COG5: variants seen among roughly 807,000 people sequenced by gnomAD.
The protein encoded by COG5 is component of oligomeric golgi complex 5.
A neutral mutation model predicts 110.4 loss-of-function variants in COG5; 86 were observed. That is an observed-to-expected ratio of 0.78 (90% CI 0.65 to 0.93). The LOEUF is 0.93. COG5 is among the 40% of genes least tolerant of loss of function. The pLI is 0.00. For synonymous variants in COG5, 360 were observed against 334.6 expected (o/e 1.08, Z -0.83); for missense variants, 1,077 against 987.0 (o/e 1.09, Z -1.22).
intron 6 of COG5, among the ~76,000 whole-genome samples, chr7:107,500,073 C>A (rs1798542326): frequency 6.6e-6 from 1 of 152,026 alleles, no homozygotes; most frequent in African/African-American, 2.4e-5. Flanking sequence ...AACTGAGACC[C>A]TGTAAAAAAG....
chr7:107,350,696 A>G (rs1812063020), intron 10 of COG5, among the ~76,000 whole-genome samples: 1 of 152,156 alleles, frequency 6.6e-6, no homozygotes, highest in Non-Finnish European at 1.5e-5. Context: ...GAGGAACTGC[A>G]TTTGTTTCTT....
intron 5 of COG5, among the ~76,000 whole-genome samples, chr7:107,532,974 AT>A (rs1283991273): frequency 6.6e-6 from 1 of 152,046 alleles, no homozygotes; most frequent in Non-Finnish European, 1.5e-5. Flanking sequence ...TCTCACGGTG[AT>A]TTTTTTCTAG....
intron 19 of COG5, among the ~76,000 whole-genome samples, chr7:107,224,984 C>T (rs894842344): frequency 1.3e-5 from 2 of 152,204 alleles, no homozygotes; most frequent in Non-Finnish European, 2.9e-5. Context: ...AAGAAAGTGC[C>T]CCCTGGCAGA....
At chr7:107,285,603 A>G (rs1805565406) in intron 12 of COG5, among the ~76,000 whole-genome samples, 1 of 152,184 alleles carries the variant, frequency 6.6e-6, no homozygotes, top group Non-Finnish European at 1.5e-5. Context: ...TACATGCCCC[A>G]CCTTCTATCT....
chr7:107,224,893 C>T (rs1800210846), intron 19 of COG5, among the ~76,000 whole-genome samples: 1 of 152,248 alleles, frequency 6.6e-6, no homozygotes, highest in African/African-American at 2.4e-5. Context: ...GCCTGAGAAA[C>T]TATAATGTAG....
chr7:107,256,337 C>A (rs1448277434), intron 16 of COG5, among the ~76,000 whole-genome samples: 1 of 152,104 alleles, frequency 6.6e-6, no homozygotes, highest in Admixed American at 6.6e-5. Context: ...TCACTAGATG[C>A]CAGTAGCATC....
At chr7:107,556,591 T>G (rs1803341400) in intron 2 of COG5, among the ~76,000 whole-genome samples, 1 of 152,168 alleles carries the variant, frequency 6.6e-6, no homozygotes. Flanking sequence ...CTAAATACAT[T>G]ATCCCCGCTC....
Position 107,256,792 on chromosome 7 carries a change from A to C in COG5, c.1689T>G (p.Val563=), listed in dbSNP as rs17349904. The change falls in exon 16 of 22, where the codon GTT becomes GTG. Residue 563 remains valine (V), a splice_region_variant and synonymous_variant. Coordinates refer to ENST00000297135, the MANE Select transcript of COG5 (RefSeq NM_006348.5). ...GTGGGAATGAGCTCTGACTGGAAAC[A>C]ACCTAGAACAAGGTTTTGATCCAGT... ...LYKLHQSVTK[V]VSSQSSFPLA... The C allele has an allele frequency of 0.2, 323,271 of 1,599,442 alleles. 34,751 individuals are homozygous for C. The highest frequency in any genetic ancestry group is 0.22 in the Non-Finnish European group (256,766 of 1,167,448).
At chr7:107,507,408 C>T (rs1430453595) in intron 6 of COG5, among the ~76,000 whole-genome samples, 1 of 150,960 alleles carries the variant, frequency 6.6e-6, no homozygotes, top group Non-Finnish European at 1.5e-5. Flanking sequence ...ATTCTCCTGC[C>T]TCAGCCTCCC....
At chr7:107,241,449 T>TA (rs1801621102) in intron 17 of COG5, among the ~76,000 whole-genome samples, 1 of 148,472 alleles carries the variant, frequency 6.7e-6, no homozygotes, top group Admixed American at 6.8e-5. Flanking sequence ...TATATTTATT[T>TA]TTTATTTATT....
chr7:107,498,145 A>G (rs1012572288), intron 6 of COG5, among the ~76,000 whole-genome samples: 6 of 152,322 alleles, frequency 3.9e-5, no homozygotes, highest in African/African-American at 1.2e-4. Context: ...GAATGGCTTA[A>G]TGATTTAGCC....
chr7:107,451,693 T>C (rs577803599), intron 6 of COG5, among the ~76,000 whole-genome samples: 7 of 152,346 alleles, frequency 4.6e-5, no homozygotes, highest in African/African-American at 1.7e-4. Context: ...AAATCTTTGA[T>C]GATCCACTTC....
At chr7:107,475,097 T>C (rs750353287) in intron 6 of COG5, 2 of 1,612,860 alleles carry the variant, frequency 1.2e-6, no homozygotes, top group Non-Finnish European at 1.7e-6. Context: ...GACCTTTTAG[T>C]AAAATTAAGA....
intron 8 of COG5, among the ~76,000 whole-genome samples, chr7:107,370,783 A>AC (rs1466175153): frequency 7.1e-6 from 1 of 140,870 alleles, no homozygotes; most frequent in Admixed American, 7.2e-5. Flanking sequence ...ACTCCAGCTA[A>AC]AAAAAAAAAA....
intron 1 of COG5, among the ~76,000 whole-genome samples, chr7:107,561,382 G>C (rs1584969696): frequency 6.6e-6 from 1 of 152,178 alleles, no homozygotes; most frequent in South Asian, 2.1e-4. Context: ...AACAGAGACC[G>C]CTTAATTCAG....
At chr7:107,554,205 T>G in intron 3 of COG5, 80 bp downstream of exon 3, 2 of 1,221,416 alleles carry the variant, frequency 1.6e-6, no homozygotes, top group Non-Finnish European at 2.4e-6. Context: ...CTAAAATACT[T>G]GCCATCCAAA....
At chr7:107,373,377 C>T (rs1814353870) in intron 7 of COG5, among the ~76,000 whole-genome samples, 1 of 151,948 alleles carries the variant, frequency 6.6e-6, no homozygotes. Flanking sequence ...GTAACAAGTG[C>T]TATAAAAACG....
rs771488500 is a variant in COG5 at position 107,298,107 on chromosome 7, G to A, written c.1313+35C>T. 6.7e-6 allele frequency: 7 copies of A among 1,047,204 alleles called. 1 individual carries two copies. In the South Asian group the frequency reaches 1.7e-4, roughly 26 times the overall value. 64.9% of individuals were successfully genotyped at this position (1,047,204 alleles called of 1,614,324 possible). On this transcript the variant is annotated intron_variant, in intron 12 of 21. Coordinates refer to ENST00000297135, the MANE Select transcript of COG5 (RefSeq NM_006348.5). ...AAATTTAAAATAAAAATAAAATTAAGATGCCAACTAACAGGTCAAATTAAA... is the reference window on the plus strand; with the variant it reads ...AAATTTAAAATAAAAATAAAATTAAAATGCCAACTAACAGGTCAAATTAAA...
intron 7 of COG5, among the ~76,000 whole-genome samples, chr7:107,381,142 T>A (rs1050905133): frequency 6.6e-6 from 1 of 152,208 alleles, no homozygotes; most frequent in African/African-American, 2.4e-5. Context: ...TTCTGAGTCA[T>A]TTTGACAAAA....
Sources: allele counts gnomAD v4.1 joint callset (sites outside exome capture counted in the v4.1 genomes callset), GRCh38; gene constraint gnomAD v4.1.1; transcripts MANE v1.5; gene names NCBI Gene and HGNC (gene_info 2026-07-23, HGNC 2026-07-21).